SEMA6D: variants seen among roughly 807,000 people sequenced by gnomAD.
SEMA6D encodes the protein semaphorin-6D.
Under a neutral mutation model 106.6 loss-of-function variants are expected in SEMA6D, and 35 were observed. That is an observed-to-expected ratio of 0.33 (90% CI 0.25 to 0.44). The LOEUF (loss-of-function observed/expected upper bound fraction) is 0.44. SEMA6D is among the 20% of genes least tolerant of loss of function. SEMA6D has a pLI of 1.00. For synonymous variants in SEMA6D, 499 were observed against 487.7 expected (o/e 1.02, Z -0.31); for missense variants, 1,185 against 1,345.9 (o/e 0.88, Z 1.87).
intron 1 of SEMA6D, among the ~76,000 whole-genome samples, chr15:47,310,409 G>A (rs1032135675): frequency 3.3e-5 from 5 of 152,106 alleles, no homozygotes; most frequent in African/African-American, 1.2e-4. Context: ...TTGTAGAGTA[G>A]ATATGACTTA....
chr15:47,768,243 A>G (rs1444112038), intron 17 of SEMA6D, among the ~76,000 whole-genome samples: 1 of 152,188 alleles, frequency 6.6e-6, no homozygotes, highest in African/African-American at 2.4e-5. Context: ...AAATGAAATG[A>G]TGTCTCACAA....
intron 1 of SEMA6D, among the ~76,000 whole-genome samples, chr15:47,283,173 T>G (rs562720680): frequency 6.6e-6 from 1 of 152,244 alleles, no homozygotes; most frequent in African/African-American, 2.4e-5. Context: ...TTTTCCTCTT[T>G]TTTAAATTCC....
rs551780570 is a variant in SEMA6D, at chr15:47,240,868, A to T, written c.-239+56450A>T. 5.3e-5 allele frequency among the ~76,000 whole-genome samples: 8 copies of T among 152,278 alleles called. No individual in the cohort carries two copies. In the South Asian group the frequency reaches 1.7e-3, roughly 32 times the overall value. On this transcript the variant is annotated intron_variant, in intron 1 of 19. Transcript: ENST00000558014. The stretch of plus-strand genomic sequence containing the variant: ...TGAATATGTTTTCTTTGTAAATCCT[A>T]CTGATGACTGTTTGGGGAAAATAGT...
At chr15:47,625,696 A>G (rs554705404) in intron 4 of SEMA6D, among the ~76,000 whole-genome samples, 29 of 150,400 alleles carry the variant, frequency 1.9e-4, no homozygotes, top group African/African-American at 7.2e-4. Flanking sequence ...TCTCAAAAAT[A>G]TTAATAATAA....
chr15:47,760,000 A>G, intron 2 of SEMA6D, 93 bp downstream of exon 2: 1 of 950,386 alleles, frequency 1.1e-6, no homozygotes, highest in South Asian at 1.4e-5. Context: ...AGAGGCAGAG[A>G]TTTTTTATGT....
intron 4 of SEMA6D, among the ~76,000 whole-genome samples, chr15:47,638,122 A>T (rs890634854): frequency 2.0e-5 from 3 of 151,874 alleles, no homozygotes; most frequent in South Asian, 4.2e-4. Context: ...GACAAAAAAA[A>T]ACCCAATTTC....
At chr15:47,525,952 A>T (rs1309887878) in intron 3 of SEMA6D, among the ~76,000 whole-genome samples, 1 of 152,210 alleles carries the variant, frequency 6.6e-6, no homozygotes, top group Non-Finnish European at 1.5e-5. Context: ...GGAAGGGGGA[A>T]GGCCACCCAC....
At chr15:47,722,462 T>G (rs577179062) in intron 1 of SEMA6D, among the ~76,000 whole-genome samples, 67 of 152,336 alleles carry the variant, frequency 4.4e-4, no homozygotes, top group African/African-American at 1.2e-3. Context: ...TGTCGCTTTT[T>G]TTTTGTTTTG....
chr15:47,760,759 C>A (rs1430447873), intron 3 of SEMA6D, among the ~76,000 whole-genome samples: 2 of 152,012 alleles, frequency 1.3e-5, no homozygotes, highest in Non-Finnish European at 2.9e-5. Context: ...GCAGTTTGAC[C>A]CATGCCTGGA....
chr15:47,760,231 G>T, intron 2 of SEMA6D, 73 bp from the exon 3 acceptor site: 1 of 1,033,128 alleles, frequency 9.7e-7, no homozygotes, highest in Non-Finnish European at 1.5e-6. Context: ...AGTATATACA[G>T]CTAATCAATG....
chr15:47,196,930 G>T (rs1305673484), intron 1 of SEMA6D, among the ~76,000 whole-genome samples: 2 of 152,092 alleles, frequency 1.3e-5, no homozygotes, highest in African/African-American at 2.4e-5. Context: ...TTAGAATTTT[G>T]AGTAACTGGG....
chr15:47,704,230 C>G (rs952508021), intron 4 of SEMA6D, among the ~76,000 whole-genome samples: 3 of 152,112 alleles, frequency 2.0e-5, no homozygotes, highest in African/African-American at 7.2e-5. Flanking sequence ...AAGCAATGCT[C>G]CCTCCTCAGC....
intron 4 of SEMA6D, among the ~76,000 whole-genome samples, chr15:47,644,562 T>C (rs538023209): frequency 4.4e-4 from 67 of 152,320 alleles, no homozygotes; most frequent in African/African-American, 1.5e-3. Context: ...TCCCTGGTGA[T>C]TGGGGGCAGG....
intron 1 of SEMA6D, among the ~76,000 whole-genome samples, chr15:47,286,560 A>G (rs2035371093): frequency 6.6e-6 from 1 of 152,094 alleles, no homozygotes; most frequent in Non-Finnish European, 1.5e-5. Context: ...TTTCATATTA[A>G]TATTTGATTT....
At chr15:47,221,691 A>G (rs1306198657) in intron 1 of SEMA6D, among the ~76,000 whole-genome samples, 1 of 152,246 alleles carries the variant, frequency 6.6e-6, no homozygotes, top group Admixed American at 6.5e-5. Context: ...ATCAACAGGT[A>G]TCGCAGATGT....
chr15:47,291,017 A>T (rs942046262), intron 1 of SEMA6D, among the ~76,000 whole-genome samples: 18 of 152,228 alleles, frequency 1.2e-4, no homozygotes, highest in African/African-American at 4.3e-4. Flanking sequence ...ACAGTCTTTC[A>T]GTGATGTATA....
chr15:47,516,621 A>G (rs1272359075), intron 3 of SEMA6D, among the ~76,000 whole-genome samples: 1 of 152,144 alleles, frequency 6.6e-6, no homozygotes, highest in African/African-American at 2.4e-5. Context: ...AAGGGACAGA[A>G]AAGCCCCTTC....
At chr15:47,425,105 C>T (rs890924187) in intron 2 of SEMA6D, among the ~76,000 whole-genome samples, 4 of 152,018 alleles carry the variant, frequency 2.6e-5, no homozygotes, top group Non-Finnish European at 4.4e-5. Context: ...GGCCATCTCC[C>T]GGAGCTTCCC....
intron 1 of SEMA6D, among the ~76,000 whole-genome samples, chr15:47,246,009 G>A (rs1255276826): frequency 6.6e-6 from 1 of 152,078 alleles, no homozygotes; most frequent in Non-Finnish European, 1.5e-5. Context: ...GGTTTCTCAC[G>A]ACCTTTCCCC....
Sources: gnomAD v4.1 joint callset for allele counts (sites outside exome capture counted in the v4.1 genomes callset) on GRCh38, gnomAD v4.1.1 for gene constraint, MANE v1.5 for transcripts, NCBI Gene and HGNC (gene_info 2026-07-23, HGNC 2026-07-21) for gene names.